Variants in PICK1 observed in about 807,000 individuals in gnomAD.
PICK1 encodes PRKCA-binding protein.
Under a neutral mutation model 48.9 loss-of-function variants are expected in PICK1, and 23 were observed. The observed-to-expected ratio is 0.47, with a 90% CI of 0.34 to 0.67. The LOEUF (loss-of-function observed/expected upper bound fraction) is 0.67. Ranked by LOEUF, PICK1 falls within the 30% of genes least tolerant of loss-of-function variation. PICK1 has a pLI of 0.01. For missense variants in PICK1, 423 were observed against 557.1 expected, an observed-to-expected ratio of 0.76 and a Z score of 2.42; for synonymous variants, 217 against 228.2, an observed-to-expected ratio of 0.95 and a Z score of 0.44.
chr22:38,073,200 A>T lies in PICK1; in HGVS notation c.783+108A>T, dbSNP rs76554936. ...AGCGAGGCCAGCCAGAGCTGACAGC[A>T]TGTCTGCTCCAGGTGTGGGCCCAGA... On this transcript the variant is annotated intron_variant, in intron 10 of 12. Transcript: ENST00000356976. This position sits in a 1 kb window ranked among gnomAD's most constrained non-coding sequence, Gnocchi z 5.7. 8.2e-3 allele frequency: 6,483 copies of T among 792,554 alleles called. 279 individuals carry two copies. The African/African-American group carries it at 0.094, about 11-fold the overall frequency. 49.1% of individuals were successfully genotyped at this position (792,554 alleles called of 1,614,324 possible). A position where few individuals can be genotyped will look rare whatever the true frequency, so the allele number is the denominator to read the frequency against.
At position 38,073,738 on chromosome 22, in the gene PICK1, G is replaced by T. The variant is rs200431047; in HGVS notation, c.784-35G>T. On this transcript the variant is annotated intron_variant, in intron 10 of 12. Transcript: ENST00000356976. The surrounding 1 kb of genome is among the most constrained non-coding windows in gnomAD (Gnocchi z 5.7). Reference sequence around the variant, plus strand: ...GAGCTGGGGACCTGGGGTGGGGGTAGTAGCCACTCTGACAGCCTCACCTGT... The same window carrying T: ...GAGCTGGGGACCTGGGGTGGGGGTATTAGCCACTCTGACAGCCTCACCTGT... The T allele has an allele frequency of 1.2e-5, 19 of 1,604,290 alleles. No homozygotes were observed. In the African/African-American group the frequency reaches 2.3e-4, roughly 19 times the overall value.
chr22:38,070,705 C>T, intron 6 of PICK1, 133 bp from the exon 7 acceptor site: 1 of 775,110 alleles, frequency 1.3e-6, no homozygotes. Context: ...CTGCCAAATC[C>T]CCCTCCCTGG....
At chr22:38,068,276 T>A (rs2085582008) in intron 5 of PICK1, among the ~76,000 whole-genome samples, 1 of 152,176 alleles carries the variant, frequency 6.6e-6, no homozygotes, top group Admixed American at 6.5e-5. Context: ...TCCCTCCTGT[T>A]AGAGGGGCTG....
At position 38,073,841 on chromosome 22, in the gene PICK1, TG is replaced by T. The variant is rs2085761683; in HGVS notation, c.834+24del. ...GCTGCATTGTGAGTGTTGGAGGGGG[TG>T]GGGGGCTTGTACTTCCCCCCACCTG... On this transcript the variant is annotated intron_variant, in intron 11 of 12. Transcript: ENST00000356976. This position sits in a 1 kb window ranked among gnomAD's most constrained non-coding sequence, Gnocchi z 5.7. 2 of 1,560,026 alleles carry T rather than the reference TG, an allele frequency of 1.3e-6. No homozygotes were observed. Among genetic ancestry groups the T allele is most frequent in the Admixed American group, 1.7e-5 (1 of 58,962 alleles).
In PICK1 at chr22:38,073,934, C is replaced by T. The variant is rs548860362; in HGVS notation, c.834+111C>T. The T allele has an allele frequency of 1.1e-4, 118 of 1,119,898 alleles. No individual in the cohort carries two copies. Among genetic ancestry groups the T allele is most frequent in the South Asian group, 1.3e-4 (10 of 79,742 alleles). 69.4% of individuals were successfully genotyped at this position (1,119,898 alleles called of 1,614,324 possible). A position where few individuals can be genotyped will look rare whatever the true frequency, so the allele number is the denominator to read the frequency against. On this transcript the variant is annotated intron_variant, in intron 11 of 12. Coordinates refer to ENST00000356976, the MANE Select transcript of PICK1 (RefSeq NM_012407.4). The surrounding 1 kb of genome is among the most constrained non-coding windows in gnomAD (Gnocchi z 5.7). ...GACCGGGGGGACTTGGCTGGACTCTCGTTCCTGGAGATTTAGGGCCATCTT... is the reference window on the plus strand; with the variant it reads ...GACCGGGGGGACTTGGCTGGACTCTTGTTCCTGGAGATTTAGGGCCATCTT...
At chr22:38,058,316 C>T (rs985821411) in intron 2 of PICK1, among the ~76,000 whole-genome samples, 4 of 152,140 alleles carry the variant, frequency 2.6e-5, no homozygotes, top group East Asian at 1.9e-4. Flanking sequence ...AGGGACTTGA[C>T]GTCAGTAGGT....
chr22:38,074,083 G>C lies in PICK1; in HGVS notation c.835-224G>C, dbSNP rs1309647970. On this transcript the variant is annotated intron_variant, in intron 11 of 12. Coordinates refer to ENST00000356976, the MANE Select transcript of PICK1 (RefSeq NM_012407.4). The surrounding 1 kb of genome is among the most constrained non-coding windows in gnomAD (Gnocchi z 4.5). ...TCCTATGAGGCGCTTTTAAGTGTTTGATTTTTCTGCTGTCGGGATCCATTT... is the reference window on the plus strand; with the variant it reads ...TCCTATGAGGCGCTTTTAAGTGTTTCATTTTTCTGCTGTCGGGATCCATTT... 1.6e-6 allele frequency: 1 copy of C among 636,842 alleles called. No homozygotes were observed. Among genetic ancestry groups the C allele is most frequent in the East Asian group, 2.7e-5 (1 of 36,618 alleles). The allele number at this position is 636,842 out of a possible 1,614,324, so 39.4% of individuals were successfully genotyped here. A position where few individuals can be genotyped will look rare whatever the true frequency, so the allele number is the denominator to read the frequency against.
chr22:38,068,426 C>T (rs183172983), intron 5 of PICK1, among the ~76,000 whole-genome samples: 109 of 152,310 alleles, frequency 7.2e-4, no homozygotes, highest in Non-Finnish European at 9.0e-4. Context: ...ACACCTAGGT[C>T]TCAGCTCTGG....
rs761251892 is a variant in PICK1, at chr22:38,070,897, TG to T, written c.493+12del. On this transcript the variant is annotated splice_region_variant and intron_variant, in intron 7 of 12. Coordinates refer to ENST00000356976, the MANE Select transcript of PICK1 (RefSeq NM_012407.4). ...GACCGCTGAGCTATACAAAGGTGGG[TG>T]GGGGGTGGCCTCGTCCTGGCACTAG... is the stretch of plus-strand genomic sequence containing the variant. 7 of 1,612,782 alleles carry T rather than the reference TG, an allele frequency of 4.3e-6. No homozygotes were observed. Among genetic ancestry groups the T allele is most frequent in the South Asian group, 1.1e-5 (1 of 91,056 alleles).
Position 38,074,415 on chromosome 22 carries a change from G to A in PICK1, c.943G>A (p.Val315Met). 2 of 1,613,200 alleles carry A rather than the reference G, an allele frequency of 1.2e-6. No individual in the cohort carries two copies. Among genetic ancestry groups the A allele is most frequent in the South Asian group, 1.1e-5 (1 of 91,086 alleles). The change falls in exon 12 of 13, where the codon GTG (valine) becomes ATG (methionine). Residue 315 changes from valine (V) to methionine (M), a missense_variant. By Grantham distance (21) the Val-to-Met change is conservative. This residue lies in a region of PICK1 where 144 missense variants were observed against 139.3 expected (regional missense o/e 1.03). Coordinates refer to ENST00000356976, the MANE Select transcript of PICK1 (RefSeq NM_012407.4). This position sits in a 1 kb window ranked among gnomAD's most constrained non-coding sequence, Gnocchi z 4.5. ...CCGCTTCTCCCAGATGCGCAAGGATGTGCTGGAGAAGATGGAGCTGCTGGA... is the reference window on the plus strand; with the variant it reads ...CCGCTTCTCCCAGATGCGCAAGGATATGCTGGAGAAGATGGAGCTGCTGGA... The part of the protein sequence containing the change: ...RARFSQMRKD[V>M]LEKMELLDQK...
intron 7 of PICK1, among the ~76,000 whole-genome samples, chr22:38,071,409 C>A (rs1475293020): frequency 6.6e-6 from 1 of 152,172 alleles, no homozygotes; most frequent in Non-Finnish European, 1.5e-5. Context: ...AGCGAGAGTC[C>A]CCCGGAATCC....
chr22:38,073,975 T>A lies in PICK1; in HGVS notation c.834+152T>A, dbSNP rs1293684870. 5 of 796,022 alleles carry A rather than the reference T, an allele frequency of 6.3e-6. No individual in the cohort carries two copies. The highest frequency in any genetic ancestry group is 1.0e-5 in the Non-Finnish European group (5 of 478,066). The allele number at this position is 796,022 out of a possible 1,614,324, so 49.3% of individuals were successfully genotyped here. On this transcript the variant is annotated intron_variant, in intron 11 of 12. Transcript: ENST00000356976. This position sits in a 1 kb window ranked among gnomAD's most constrained non-coding sequence, Gnocchi z 5.7. The stretch of plus-strand genomic sequence containing the variant: ...GGGCCATCTTCCCAGTCCCGCTCGC[T>A]GGGCCTCGGGGTGCTGGGCACCCGG...
In PICK1 at chr22:38,057,409, T is replaced by C. The variant is rs2085295035; in HGVS notation, c.-236T>C. 4.3e-6 allele frequency: 1 copy of C among 231,298 alleles called. No individual in the cohort carries two copies. Among genetic ancestry groups the C allele is most frequent in the Non-Finnish European group, 8.6e-6 (1 of 116,396 alleles). 14.3% of individuals were successfully genotyped at this position (231,298 alleles called of 1,614,324 possible). A position where few individuals can be genotyped will look rare whatever the true frequency, so the allele number is the denominator to read the frequency against. ...CGTCTTGCCGGAAGTGACGTGACAA[T>C]CGCGGCCACCGCCAGGTGGAACGGC... On this transcript the variant is annotated 5_prime_UTR_variant, in exon 1 of 13. Coordinates refer to ENST00000356976, the MANE Select transcript of PICK1 (RefSeq NM_012407.4).
chr22:38,074,268 C>A lies in PICK1; in HGVS notation c.835-39C>A. ...TTGAAAGCACAGTGCGGTGCGAGGC[C>A]GTCCCTGAGCAGGCACTCCTGTCCC... On this transcript the variant is annotated intron_variant, in intron 11 of 12. Transcript: ENST00000356976. This position sits in a 1 kb window ranked among gnomAD's most constrained non-coding sequence, Gnocchi z 4.5. The A allele has an allele frequency of 1.2e-6, 2 of 1,610,498 alleles. No homozygotes were observed. Among genetic ancestry groups the A allele is most frequent in the Non-Finnish European group, 8.5e-7 (1 of 1,178,480 alleles).
chr22:38,065,239 C>G, intron 4 of PICK1, 109 bp downstream of exon 4: 1 of 1,095,926 alleles, frequency 9.1e-7, no homozygotes, highest in Non-Finnish European at 1.4e-6. Flanking sequence ...GCCCTCACCG[C>G]CCCCTTCCTT....
At chr22:38,060,646 C>T (rs2085376388) in intron 3 of PICK1, among the ~76,000 whole-genome samples, 1 of 152,204 alleles carries the variant, frequency 6.6e-6, no homozygotes, top group African/African-American at 2.4e-5. Context: ...TCCCCCAGGC[C>T]TGGCCTCCTG....
chr22:38,072,502 C>G lies in PICK1; in HGVS notation c.582C>G (p.Ile194Met), dbSNP rs761099651. The change falls in exon 9 of 13, where the codon ATC (isoleucine) becomes ATG (methionine). Residue 194 changes from isoleucine to methionine, a missense_variant. Physicochemically the swap from Ile to Met is conservative, Grantham distance 10. Transcript: ENST00000356976. ...CCTTTGGGGACGTGTTCTCCGTGATCGGGGTGCGGGAGCCCCAGCCAGCTG... is the reference window on the plus strand; with the variant it reads ...CCTTTGGGGACGTGTTCTCCGTGATGGGGGTGCGGGAGCCCCAGCCAGCTG... ...HRAFGDVFSV[I>M]GVREPQPAAS... 3 of 1,613,426 alleles carry G rather than the reference C, an allele frequency of 1.9e-6. No homozygotes were observed. The highest frequency in any genetic ancestry group is 2.5e-6 in the Non-Finnish European group (3 of 1,180,024).
Position 38,074,729 on chromosome 22 carries a change from C to A in PICK1, c.980-135C>A. ...CCCCTGCCTCCGCCCCTTGCCAGGT[C>A]ATGAGGGGTCAGGGAAGTGCCCGAG... On this transcript the variant is annotated intron_variant, in intron 12 of 12. Coordinates refer to ENST00000356976, the MANE Select transcript of PICK1 (RefSeq NM_012407.4). The surrounding 1 kb of genome is among the most constrained non-coding windows in gnomAD (Gnocchi z 4.5). The A allele has an allele frequency of 8.2e-7, 1 of 1,214,174 alleles. No homozygotes were observed. The highest frequency in any genetic ancestry group is 1.2e-6 in the Non-Finnish European group (1 of 862,294). 75.2% of individuals were successfully genotyped at this position (1,214,174 alleles called of 1,614,324 possible).
intron 3 of PICK1, 147 bp from the exon 4 acceptor site, chr22:38,064,855 A>C: frequency 1.1e-6 from 1 of 871,624 alleles, no homozygotes; most frequent in Non-Finnish European, 1.9e-6. Context: ...ACGCCACTGC[A>C]CTCCAGCCCG....
Sources: allele counts gnomAD v4.1 joint callset (sites outside exome capture counted in the v4.1 genomes callset), GRCh38; gene constraint gnomAD v4.1.1; regional missense constraint gnomAD v4.1.1; non-coding constraint Gnocchi (gnomAD v3.1); transcripts MANE v1.5; gene names NCBI Gene and HGNC (gene_info 2026-07-23, HGNC 2026-07-21).